KLRG1: variants seen among roughly 807,000 people sequenced by gnomAD.
KLRG1 encodes killer cell lectin like receptor G1, also known as killer cell lectin-like receptor subfamily G member 1.
A neutral mutation model predicts 21.8 loss-of-function variants in KLRG1; 16 were observed. That is an observed-to-expected ratio of 0.73 (90% CI 0.50 to 1.11). The LOEUF (loss-of-function observed/expected upper bound fraction) is 1.11, where lower values mean the gene tolerates loss of function less well. Ranked by LOEUF, KLRG1 falls within the 50% of genes most tolerant of loss-of-function variation. The pLI, the probability that KLRG1 is intolerant of heterozygous loss-of-function variation, is 0.00. For synonymous variants in KLRG1, 69 were observed against 75.9 expected (o/e 0.91, Z 0.47); for missense variants, 173 against 218.3 (o/e 0.79, Z 1.31).
the KLRG1 span, among the ~76,000 whole-genome samples, chr12:9,092,898 A>C: frequency 1.1e-3 from 164 of 152,346 alleles, no homozygotes; most frequent in Non-Finnish European, 2.0e-3. Context: ...AATTGTGGCT[A>C]TGCGTAATGG....
the KLRG1 span, among the ~76,000 whole-genome samples, chr12:9,078,282 A>AC: frequency 0.55 from 83,548 of 151,810 alleles, 24,543 homozygotes; most frequent in African/African-American, 0.75. Flanking sequence ...ATGAGTGAGA[A>AC]ATGTGGTGTT....
chr12:9,087,097 TA>T, the KLRG1 span, among the ~76,000 whole-genome samples: 9 of 151,826 alleles, frequency 5.9e-5, no homozygotes, highest in African/African-American at 2.2e-4. Context: ...GTGAAAATTA[TA>T]AAACACTGAT....
the KLRG1 span, among the ~76,000 whole-genome samples, chr12:9,116,477 GT>G: frequency 6.6e-6 from 1 of 152,188 alleles, no homozygotes; most frequent in Non-Finnish European, 1.5e-5. Context: ...ATAGAAAAGA[GT>G]TTCCTGTTTT....
chr12:9,189,953 A>G, the KLRG1 span, among the ~76,000 whole-genome samples: 1 of 152,224 alleles, frequency 6.6e-6, no homozygotes, highest in Non-Finnish European at 1.5e-5. Context: ...TTATCATCTC[A>G]CATCAGTCAG....
intron 3 of KLRG1, among the ~76,000 whole-genome samples, chr12:9,006,060 A>G (rs982876342): frequency 1.3e-5 from 2 of 152,228 alleles, no homozygotes; most frequent in African/African-American, 4.8e-5. Flanking sequence ...CATTTATTGT[A>G]TATTTTCAAA....
chr12:9,022,101 CCACATTCCAGTCTGGGCAACATAGCCAGA>C, the KLRG1 span, among the ~76,000 whole-genome samples: 1 of 152,104 alleles, frequency 6.6e-6, no homozygotes, highest in African/African-American at 2.4e-5. Flanking sequence ...TGAATAGCCA[CCACATTCCAGTCTGGGCAACATAGCCAGA>C]CCCCATCTCT....
chr12:9,072,365 CTT>C, the KLRG1 span: 1 of 1,613,914 alleles, frequency 6.2e-7, no homozygotes, highest in East Asian at 2.2e-5. Context: ...TTACCTGACA[CTT>C]AGGGAGATTT....
the KLRG1 span, chr12:9,160,893 C>A: frequency 4.1e-6 from 3 of 739,308 alleles, no homozygotes; most frequent in African/African-American, 1.8e-5. Context: ...CCAGCCTGGG[C>A]GACAGAGCGA....
the KLRG1 span, among the ~76,000 whole-genome samples, chr12:9,124,538 A>G: frequency 6.6e-6 from 1 of 152,208 alleles, no homozygotes; most frequent in East Asian, 1.9e-4. Flanking sequence ...AGCCAGAGAG[A>G]GCCCGGGACA....
upstream of KLRG1, among the ~76,000 whole-genome samples, chr12:8,989,323 T>G (rs1339853776): frequency 6.6e-6 from 1 of 152,228 alleles, no homozygotes; most frequent in Non-Finnish European, 1.5e-5. Context: ...ACTTTTATTT[T>G]AGTTTCCATA....
chr12:9,159,570 A>G, the KLRG1 span, among the ~76,000 whole-genome samples: 1 of 152,046 alleles, frequency 6.6e-6, no homozygotes, highest in Non-Finnish European at 1.5e-5. Flanking sequence ...GGCTATCATG[A>G]CAGTTGGACT....
chr12:9,027,271 A>AT, the KLRG1 span, among the ~76,000 whole-genome samples: 1 of 151,480 alleles, frequency 6.6e-6, no homozygotes. Flanking sequence ...AAAAAAAAAA[A>AT]GTCTACATTA....
chr12:9,184,807 C>T, the KLRG1 span, among the ~76,000 whole-genome samples: 2 of 152,172 alleles, frequency 1.3e-5, no homozygotes, highest in African/African-American at 4.8e-5. Flanking sequence ...CTGAACTGAG[C>T]CTTGCTCCTC....
At chr12:9,060,312 G>A in the KLRG1 span, among the ~76,000 whole-genome samples, 1 of 150,782 alleles carries the variant, frequency 6.6e-6, no homozygotes, top group Non-Finnish European at 1.5e-5. Flanking sequence ...GTGAGCCATC[G>A]CACCCGGCCC....
chr12:9,106,667 T>C, the KLRG1 span: 4 of 830,472 alleles, frequency 4.8e-6, no homozygotes, highest in Non-Finnish European at 7.7e-6. Context: ...AGATCAGTGG[T>C]CAGATAACCG....
chr12:9,183,582 T>C, the KLRG1 span, among the ~76,000 whole-genome samples: 1 of 152,184 alleles, frequency 6.6e-6, no homozygotes, highest in East Asian at 1.9e-4. Flanking sequence ...TATATATTTT[T>C]GTAGAGATAG....
chr12:9,199,888 A>T, the KLRG1 span, among the ~76,000 whole-genome samples: 2 of 152,170 alleles, frequency 1.3e-5, no homozygotes, highest in African/African-American at 4.8e-5. Flanking sequence ...GAAAAAGAAA[A>T]GGTACTTAGG....
the KLRG1 span, among the ~76,000 whole-genome samples, chr12:9,056,360 G>C: frequency 6.6e-6 from 1 of 152,116 alleles, no homozygotes; most frequent in African/African-American, 2.4e-5. Context: ...GAAAATCAAA[G>C]CCTGCTCATG....
At chr12:8,984,561 GTTAT>G (rs1208947714), upstream of KLRG1, among the ~76,000 whole-genome samples, 2 of 152,068 alleles carry the variant, frequency 1.3e-5, no homozygotes, top group Non-Finnish European at 2.9e-5. Context: ...CCCTCATTCA[GTTAT>G]TTTTAAAAAT....
Sources: allele counts gnomAD v4.1 joint callset (sites outside exome capture counted in the v4.1 genomes callset), GRCh38; gene constraint gnomAD v4.1.1; transcripts MANE v1.5; gene names NCBI Gene and HGNC (gene_info 2026-07-23, HGNC 2026-07-21).